Variants in DLG2 observed in about 807,000 individuals in gnomAD.
The protein encoded by DLG2 is disks large homolog 2.
In DLG2, 45 loss-of-function variants were observed where a neutral mutation model predicts 132.5. That is an observed-to-expected ratio of 0.34 (90% CI 0.27 to 0.44). The LOEUF (loss-of-function observed/expected upper bound fraction) is 0.44. Ranked by LOEUF, DLG2 falls within the 20% of genes least tolerant of loss-of-function variation. The pLI is 1.00. For missense variants in DLG2, 1,045 were observed against 1,196.9 expected (o/e 0.87, Z 1.87); for synonymous variants, 424 against 419.6 (o/e 1.01, Z -0.13).
chr11:84,776,522 C>A (rs1263766675), intron 6 of DLG2, among the ~76,000 whole-genome samples: 1 of 152,164 alleles, frequency 6.6e-6, no homozygotes. Flanking sequence ...AGAACATTTA[C>A]CTCATCCCAA....
At chr11:84,961,949 C>T (rs2052643184) in intron 6 of DLG2, among the ~76,000 whole-genome samples, 2 of 152,222 alleles carry the variant, frequency 1.3e-5, no homozygotes, top group African/African-American at 4.8e-5. Flanking sequence ...AGCCCCACTC[C>T]CACTGCCATC....
chr11:84,051,792 A>G (rs548408139), intron 11 of DLG2, among the ~76,000 whole-genome samples: 5 of 151,974 alleles, frequency 3.3e-5, no homozygotes, highest in Non-Finnish European at 5.9e-5. Context: ...AAAGAAAAAA[A>G]AAGAAGACAG....
At chr11:85,309,028 A>G (rs2080145499) in intron 3 of DLG2, among the ~76,000 whole-genome samples, 1 of 152,102 alleles carries the variant, frequency 6.6e-6, no homozygotes, top group African/African-American at 2.4e-5. Context: ...TTTGGCCTAT[A>G]GAATAGGGAG....
At chr11:85,465,860 A>C (rs1429857833) in intron 3 of DLG2, among the ~76,000 whole-genome samples, 1 of 151,942 alleles carries the variant, frequency 6.6e-6, no homozygotes, top group African/African-American at 2.4e-5. Flanking sequence ...TTCTAGTTCT[A>C]GATCCCTGAG....
chr11:84,414,523 T>A (rs1044274607), intron 7 of DLG2, among the ~76,000 whole-genome samples: 15 of 152,180 alleles, frequency 9.9e-5, no homozygotes, highest in Non-Finnish European at 1.6e-4. Flanking sequence ...TTCCGGTTTG[T>A]TTTGAAATGG....
chr11:84,914,779 C>T (rs1012465508), intron 6 of DLG2, among the ~76,000 whole-genome samples: 2 of 152,166 alleles, frequency 1.3e-5, no homozygotes, highest in Non-Finnish European at 2.9e-5. Flanking sequence ...CGGAACAAGG[C>T]TCTAAACCTC....
intron 16 of DLG2, among the ~76,000 whole-genome samples, chr11:83,842,816 C>CAAAAAAAAAAA (rs1259239219): frequency 1.5e-5 from 1 of 68,424 alleles, no homozygotes; most frequent in Non-Finnish European, 3.3e-5. Flanking sequence ...ACTCTGTCTC[C>CAAAAAAAAAAA]AAAAAAAAAA....
Position 84,127,288 on chromosome 11 carries a change from C to T in DLG2, c.625-28241G>A, listed in dbSNP as rs952494017. Among the ~76,000 whole-genome samples, 56 of 152,148 alleles carry T rather than the reference C, an allele frequency of 3.7e-4. 1 individual carries two copies. The highest frequency in any genetic ancestry group is 1.3e-3 in the African/African-American group (55 of 41,414). ...GGACTAGGATTGAACTCTCAGCATA[C>T]CCAGTTCTGACATACATTCCAATAC... is the stretch of plus-strand genomic sequence containing the variant. On this transcript the variant is annotated intron_variant, in intron 9 of 27. Coordinates refer to ENST00000376104, the MANE Select transcript of DLG2 (RefSeq NM_001142699.3).
At chr11:83,798,939 G>A (rs981848338) in intron 17 of DLG2, among the ~76,000 whole-genome samples, 7 of 152,334 alleles carry the variant, frequency 4.6e-5, no homozygotes, top group Admixed American at 1.3e-4. Flanking sequence ...GAGCTGCTCT[G>A]AAAAATGAAG....
At chr11:83,590,845 A>T (rs2097175956) in intron 19 of DLG2, among the ~76,000 whole-genome samples, 1 of 152,030 alleles carries the variant, frequency 6.6e-6, no homozygotes, top group African/African-American at 2.4e-5. Context: ...AACTACCATC[A>T]GAGAATACTA....
At chr11:84,079,222 T>A (rs550244066) in intron 10 of DLG2, among the ~76,000 whole-genome samples, 1 of 152,236 alleles carries the variant, frequency 6.6e-6, no homozygotes, top group South Asian at 2.1e-4. Flanking sequence ...AACACCTTAG[T>A]TCAAGTTACA....
intron 7 of DLG2, among the ~76,000 whole-genome samples, chr11:84,298,575 T>C (rs925787070): frequency 6.6e-6 from 1 of 152,232 alleles, no homozygotes; most frequent in African/African-American, 2.4e-5. Context: ...AAATAAGGTA[T>C]ACTTTGTTTT....
intron 7 of DLG2, among the ~76,000 whole-genome samples, chr11:84,346,625 T>C (rs2098540395): frequency 6.6e-6 from 1 of 152,252 alleles, no homozygotes; most frequent in African/African-American, 2.4e-5. Context: ...GTCGGCAGGC[T>C]GCAGTGCAGT....
intron 7 of DLG2, among the ~76,000 whole-genome samples, chr11:84,466,166 T>C (rs2099093845): frequency 6.6e-6 from 1 of 151,192 alleles, no homozygotes; most frequent in South Asian, 2.1e-4. Context: ...CCTCACACCA[T>C]ACCCTAAAAT....
intron 6 of DLG2, among the ~76,000 whole-genome samples, chr11:85,084,901 T>C (rs369205872): frequency 6.6e-6 from 1 of 152,280 alleles, no homozygotes. Context: ...CAAAATGGTA[T>C]AAATTTTGAA....
At chr11:85,285,807 G>T (rs755484239) in intron 3 of DLG2, among the ~76,000 whole-genome samples, 31 of 151,928 alleles carry the variant, frequency 2.0e-4, no homozygotes, top group Non-Finnish European at 2.7e-4. Flanking sequence ...ATCAATGTTT[G>T]CCAGAGGTTC....
intron 5 of DLG2, among the ~76,000 whole-genome samples, chr11:85,149,876 G>A (rs1185004860): frequency 3.3e-5 from 5 of 151,932 alleles, no homozygotes; most frequent in African/African-American, 1.2e-4. Context: ...CCTTTTAGCA[G>A]AGTGACAATA....
chr11:84,107,041 T>C (rs575238406), intron 9 of DLG2, among the ~76,000 whole-genome samples: 2 of 145,666 alleles, frequency 1.4e-5, no homozygotes, highest in East Asian at 4.1e-4. Flanking sequence ...AGGGGAGATA[T>C]GTGGCAGTAT....
intron 6 of DLG2, among the ~76,000 whole-genome samples, chr11:84,731,960 A>G (rs533369341): frequency 1.8e-4 from 28 of 152,104 alleles, no homozygotes; most frequent in Non-Finnish European, 3.2e-4. Context: ...CCCATCCCAA[A>G]GCAATCACTC....
Sources: gnomAD v4.1 joint callset for allele counts (sites outside exome capture counted in the v4.1 genomes callset) on GRCh38, gnomAD v4.1.1 for gene constraint, MANE v1.5 for transcripts, NCBI Gene and HGNC (gene_info 2026-07-23, HGNC 2026-07-21) for gene names.